The following OVCH1 variants were observed in gnomAD, a reference collection of about 807,000 sequenced individuals.
OVCH1 encodes the protein ovochymase 1, also known as ovochymase-1.
Under a neutral mutation model 138.4 loss-of-function variants are expected in OVCH1, and 139 were observed. The ratio of observed to expected loss-of-function variants is 1.00; its 90% CI spans 0.87 to 1.16. OVCH1 has a LOEUF of 1.16. Among genes scored for constraint, OVCH1 ranks in the 50% most tolerant of loss-of-function variants. OVCH1 has a pLI of 0.00. For missense variants in OVCH1, 1,367 were observed against 1,357.9 expected (o/e 1.01, Z -0.11); for synonymous variants, 453 against 467.8 (o/e 0.97, Z 0.41).
chr12:29,445,364 A>G lies in OVCH1; in HGVS notation c.2795T>C (p.Met932Thr), dbSNP rs1941584465. The G allele has an allele frequency of 2.5e-6, 4 of 1,611,218 alleles. No individual in the cohort carries two copies. The Admixed American group carries it at 5.0e-5, about 20-fold the overall frequency. Residue 932 changes from methionine (M) to threonine (T), a missense_variant, in exon 23 of 28, where the codon ATG becomes ACG. Physicochemically the swap from Met to Thr is moderately conservative, Grantham distance 81. Transcript: ENST00000318184. ...CACCCTCACCAGCGGTCCAGGACTC[A>G]TGAAAGTCATTGAGTAAAGTCTTCT...
chr12:29,453,480 C>T (rs575506631), intron 21 of OVCH1, among the ~76,000 whole-genome samples: 1 of 152,184 alleles, frequency 6.6e-6, no homozygotes, highest in Admixed American at 6.6e-5. Flanking sequence ...ATGGTCAGCC[C>T]CTAGACACTT....
chr12:29,433,400 T>G (rs1941304322), intron 27 of OVCH1, among the ~76,000 whole-genome samples: 1 of 152,178 alleles, frequency 6.6e-6, no homozygotes, highest in South Asian at 2.1e-4. Flanking sequence ...TTTACTCCTC[T>G]TTCACCTTCC....
At chr12:29,460,783 C>G (rs1465890841) in intron 19 of OVCH1, among the ~76,000 whole-genome samples, 1 of 151,932 alleles carries the variant, frequency 6.6e-6, no homozygotes, top group Admixed American at 6.6e-5. Context: ...TCCTCCCTTT[C>G]CTACTGGTGA....
intron 5 of OVCH1, 37 bp from the exon 6 acceptor site, chr12:29,489,808 C>T (rs1943227140): frequency 6.3e-7 from 1 of 1,582,408 alleles, no homozygotes; most frequent in Non-Finnish European, 8.6e-7. Flanking sequence ...CACACAATAT[C>T]CTCATGGAAA....
intron 22 of OVCH1, among the ~76,000 whole-genome samples, chr12:29,445,703 C>A (rs1465149151): frequency 6.6e-6 from 1 of 152,030 alleles, no homozygotes; most frequent in African/African-American, 2.4e-5. Flanking sequence ...ACTGATGTGA[C>A]CTTTTTCTCC....
chr12:29,485,088 A>G (rs1438485859), intron 8 of OVCH1, among the ~76,000 whole-genome samples: 1 of 152,150 alleles, frequency 6.6e-6, no homozygotes, highest in Admixed American at 6.5e-5. Flanking sequence ...TGTCTTGGGT[A>G]AGGTTAAATA....
At chr12:29,415,269 G>A (rs1941017663) in intron 3 of OVCH1, among the ~76,000 whole-genome samples, 1 of 152,082 alleles carries the variant, frequency 6.6e-6, no homozygotes, top group Non-Finnish European at 1.5e-5. Context: ...GAAAAGAAGG[G>A]GGAACGTTTG....
chr12:29,455,829 T>C (rs1941935379), intron 19 of OVCH1, among the ~76,000 whole-genome samples: 1 of 152,170 alleles, frequency 6.6e-6, no homozygotes, highest in South Asian at 2.1e-4. Flanking sequence ...CCTGTTTTTT[T>C]CTTTTTTTAA....
rs1056057836 is a variant in OVCH1 at position 29,495,320 on chromosome 12, A to G, written c.419T>C (p.Ile140Thr). ...TTTGTGTTTTAGATACAGCAGTGCA[A>G]TATCAGGACTCATATATTCACGGCT... The change falls in exon 4 of 28, where the codon ATT becomes ACT. Residue 140 changes from isoleucine to threonine, a missense_variant. Coordinates refer to ENST00000318184, the Ensembl canonical transcript of OVCH1. 14 of 1,612,896 alleles carry G rather than the reference A, an allele frequency of 8.7e-6. No individual in the cohort carries two copies. The highest frequency in any genetic ancestry group is 1.7e-5 in the Admixed American group (1 of 59,932).
At chr12:29,405,149 C>A in the OVCH1 span, among the ~76,000 whole-genome samples, 1 of 149,054 alleles carries the variant, frequency 6.7e-6, no homozygotes, top group Non-Finnish European at 1.5e-5. Flanking sequence ...CTTTTGAGAA[C>A]TGAGTTCACT....
At chr12:29,404,746 G>A in the OVCH1 span, among the ~76,000 whole-genome samples, 1 of 152,016 alleles carries the variant, frequency 6.6e-6, no homozygotes, top group African/African-American at 2.4e-5. Flanking sequence ...TGATCAGCCG[G>A]GCGCGGTGGG....
intron 12 of OVCH1, 34 bp from the exon 13 acceptor site, chr12:29,476,333 C>T (rs1334584958): frequency 6.5e-7 from 1 of 1,530,798 alleles, no homozygotes; most frequent in East Asian, 2.3e-5. Context: ...GGGAAATGGT[C>T]AAAGAAGAGA....
chr12:29,412,639 C>G (rs1940975427), exon 4 of OVCH1: 1 of 152,170 alleles, frequency 6.6e-6, no homozygotes, highest in African/African-American at 2.4e-5. Flanking sequence ...CTGTGAAGTT[C>G]AGTTGTTCCC....
intron 27 of OVCH1, among the ~76,000 whole-genome samples, chr12:29,429,248 T>C (rs1029968555): frequency 1.3e-5 from 2 of 152,166 alleles, no homozygotes; most frequent in South Asian, 2.1e-4. Flanking sequence ...TTAAAACATA[T>C]GGCATCTGGA....
chr12:29,463,392 T>C (rs978972355), intron 18 of OVCH1, among the ~76,000 whole-genome samples: 3 of 152,168 alleles, frequency 2.0e-5, no homozygotes, highest in Non-Finnish European at 4.4e-5. Flanking sequence ...GGACACAAAA[T>C]GGGGAACTTC....
intron 8 of OVCH1, among the ~76,000 whole-genome samples, chr12:29,484,373 A>G (rs4931196): frequency 0.093 from 14,098 of 152,272 alleles, 666 homozygotes; most frequent in African/African-American, 0.13. Flanking sequence ...CATCCGTTCA[A>G]GTAAACTTTA....
chr12:29,421,378 C>T (rs977729976), intron 3 of OVCH1, among the ~76,000 whole-genome samples: 1 of 152,156 alleles, frequency 6.6e-6, no homozygotes, highest in Non-Finnish European at 1.5e-5. Context: ...AGAATGGAGG[C>T]ATTTCTTAGG....
intron 19 of OVCH1, among the ~76,000 whole-genome samples, chr12:29,457,962 C>G (rs909126648): frequency 5.3e-5 from 8 of 151,978 alleles, no homozygotes; most frequent in African/African-American, 1.9e-4. Flanking sequence ...ACATTTTATG[C>G]AAAAGATATA....
At chr12:29,475,830 C>T (rs984045370) in intron 13 of OVCH1, among the ~76,000 whole-genome samples, 3 of 152,080 alleles carry the variant, frequency 2.0e-5, no homozygotes, top group Non-Finnish European at 4.4e-5. Flanking sequence ...ATTGTCAGAC[C>T]CACGTAGAAA....
Sources: allele counts gnomAD v4.1 joint callset (sites outside exome capture counted in the v4.1 genomes callset), GRCh38; gene constraint gnomAD v4.1.1; transcripts MANE v1.5; gene names NCBI Gene and HGNC (gene_info 2026-07-23, HGNC 2026-07-21).